MITF: variants seen among roughly 807,000 people sequenced by gnomAD.
MITF encodes microphthalmia-associated transcription factor.
Under a neutral mutation model 60.5 loss-of-function variants are expected in MITF, and 17 were observed. That is an observed-to-expected ratio of 0.28 (90% confidence interval 0.19 to 0.42). The LOEUF (loss-of-function observed/expected upper bound fraction) is 0.42. Among genes scored for constraint, MITF ranks in the 10% least tolerant of loss-of-function variants. MITF has a pLI of 1.00. For missense variants in MITF, 622 were observed against 683.5 expected, an observed-to-expected ratio of 0.91 and a Z score of 1.00; for synonymous variants, 260 against 248.5, an observed-to-expected ratio of 1.05 and a Z score of -0.43.
chr3:69,810,285 G>C (rs2063079951), intron 1 of MITF, among the ~76,000 whole-genome samples: 1 of 152,166 alleles, frequency 6.6e-6, no homozygotes, highest in Non-Finnish European at 1.5e-5. Flanking sequence ...GCCAATTCAT[G>C]TCTTTACAAA....
At chr3:69,793,412 T>C (rs1436306009) in intron 1 of MITF, among the ~76,000 whole-genome samples, 2 of 132,300 alleles carry the variant, frequency 1.5e-5, no homozygotes, top group Non-Finnish European at 3.4e-5. Context: ...ATTTTAGTCA[T>C]TTTAGGTCAT....
At chr3:69,786,742 G>A (rs1032949877) in intron 1 of MITF, among the ~76,000 whole-genome samples, 5 of 152,230 alleles carry the variant, frequency 3.3e-5, no homozygotes, top group South Asian at 2.1e-4. Flanking sequence ...TGGAAATACC[G>A]TCATTTAAAA....
rs576634776 is a variant in MITF at position 69,959,351 on chromosome 3, C to T, written c.1110C>T (p.Arg370=). 3 of 1,613,926 alleles carry T rather than the reference C, an allele frequency of 1.9e-6. No individual in the cohort carries two copies. The highest frequency in any genetic ancestry group is 2.2e-5 in the South Asian group (2 of 91,068). ...GAAAGTTGCAACGAGAACAGCAACGCGCAAAAGAACTTGAAAACCGACAGA... is the reference window on the plus strand; with the variant it reads ...GAAAGTTGCAACGAGAACAGCAACGTGCAAAAGAACTTGAAAACCGACAGA... ...YIRKLQREQQ[R]AKELENRQKK... Residue 370 remains arginine, a synonymous_variant, in exon 9 of 10, where the codon CGC becomes CGT. Coordinates refer to ENST00000352241, the MANE Select transcript of MITF (RefSeq NM_001354604.2).
chr3:69,935,110 T>C (rs1038331615), intron 2 of MITF, among the ~76,000 whole-genome samples: 4 of 152,224 alleles, frequency 2.6e-5, no homozygotes, highest in Admixed American at 6.5e-5. Context: ...TCGTAGCTCA[T>C]GTTCCTCATT....
chr3:69,884,814 G>C lies in MITF; in HGVS notation c.354+5431G>C, dbSNP rs557327696. On this transcript the variant is annotated intron_variant, in intron 2 of 9. Transcript: ENST00000352241. ...ACTAGTAGCTAGTAATGAAATGCTG[G>C]CTGCAGAAAGTCATCTTCGCTTAAA... Among the ~76,000 whole-genome samples, 8 of 152,240 alleles carry C rather than the reference G, an allele frequency of 5.3e-5. 1 individual carries two copies. Among genetic ancestry groups the C allele is most frequent in the African/African-American group, 1.9e-4 (8 of 41,552 alleles).
chr3:69,962,156 A>C (rs936115714), intron 9 of MITF, among the ~76,000 whole-genome samples: 4 of 152,224 alleles, frequency 2.6e-5, no homozygotes, highest in Non-Finnish European at 4.4e-5. Flanking sequence ...CTGAAAAGAC[A>C]ATCTGCCTGT....
At chr3:69,906,842 T>C (rs1367869335) in intron 2 of MITF, among the ~76,000 whole-genome samples, 1 of 152,152 alleles carries the variant, frequency 6.6e-6, no homozygotes, top group African/African-American at 2.4e-5. Flanking sequence ...ACCTATAGAC[T>C]GTTGGATGTG....
intron 8 of MITF, among the ~76,000 whole-genome samples, chr3:69,956,773 G>T (rs2066409391): frequency 6.6e-6 from 1 of 152,152 alleles, no homozygotes. Context: ...TTGTGAGGAG[G>T]TGGCTTTCTG....
chr3:69,935,672 A>C (rs1310800995), intron 2 of MITF, among the ~76,000 whole-genome samples: 1 of 152,228 alleles, frequency 6.6e-6, no homozygotes, highest in Non-Finnish European at 1.5e-5. Context: ...ATTTGTCAGC[A>C]GTAGATATTA....
At chr3:69,774,794 A>AG (rs1481997513) in intron 1 of MITF, among the ~76,000 whole-genome samples, 1 of 152,096 alleles carries the variant, frequency 6.6e-6, no homozygotes, top group African/African-American at 2.4e-5. Context: ...TCTCGGAAGG[A>AG]GGAGGCTAGC....
At chr3:69,902,365 CAT>C (rs1208299771) in intron 2 of MITF, among the ~76,000 whole-genome samples, 4 of 152,090 alleles carry the variant, frequency 2.6e-5, no homozygotes, top group African/African-American at 7.2e-5. Flanking sequence ...TTCCTGAAAA[CAT>C]ATCTATTTGG....
chr3:69,924,649 T>G (rs908858888), intron 2 of MITF, among the ~76,000 whole-genome samples: 1 of 152,242 alleles, frequency 6.6e-6, no homozygotes, highest in Non-Finnish European at 1.5e-5. Context: ...TTGCAAATCC[T>G]AGACATAATT....
intron 1 of MITF, among the ~76,000 whole-genome samples, chr3:69,830,384 C>T (rs1490563973): frequency 6.6e-6 from 1 of 152,186 alleles, no homozygotes; most frequent in Non-Finnish European, 1.5e-5. Flanking sequence ...ACGCACAGAG[C>T]TCATTGCCTC....
At chr3:69,920,026 C>A (rs1452155636) in intron 2 of MITF, among the ~76,000 whole-genome samples, 3 of 152,096 alleles carry the variant, frequency 2.0e-5, no homozygotes, top group Non-Finnish European at 2.9e-5. Context: ...TAGTTTGTAG[C>A]AATTACTTTT....
chr3:69,929,457 CT>C (rs531783746), intron 2 of MITF, among the ~76,000 whole-genome samples: 81 of 152,232 alleles, frequency 5.3e-4, no homozygotes, highest in African/African-American at 1.9e-3. Flanking sequence ...AACTAACAAG[CT>C]AGTGTGGATT....
At chr3:69,787,785 C>T (rs7648607) in intron 1 of MITF, among the ~76,000 whole-genome samples, 2 of 151,832 alleles carry the variant, frequency 1.3e-5, no homozygotes, top group African/African-American at 2.4e-5. Context: ...GGATCTCCTA[C>T]GTGTCCAACA....
intron 1 of MITF, among the ~76,000 whole-genome samples, chr3:69,856,273 A>T (rs372819994): frequency 1.8e-3 from 276 of 152,286 alleles, no homozygotes; most frequent in African/African-American, 6.4e-3. Context: ...CAAAAACCAC[A>T]TGGAACTTTA....
At chr3:69,963,759 G>A (rs150676027) in intron 9 of MITF, among the ~76,000 whole-genome samples, 1 of 152,186 alleles carries the variant, frequency 6.6e-6, no homozygotes, top group Non-Finnish European at 1.5e-5. Context: ...TCATGTGGTT[G>A]AAAAGTATAT....
chr3:69,841,481 A>C (rs550084543), intron 1 of MITF, among the ~76,000 whole-genome samples: 4 of 152,232 alleles, frequency 2.6e-5, no homozygotes, highest in African/African-American at 9.6e-5. Context: ...TGCTATTTAT[A>C]CAATTTATAT....
Sources: gnomAD v4.1 joint callset for allele counts (sites outside exome capture counted in the v4.1 genomes callset) on GRCh38, gnomAD v4.1.1 for gene constraint, MANE v1.5 for transcripts, NCBI Gene and HGNC (gene_info 2026-07-23, HGNC 2026-07-21) for gene names.